Variants in ZNF521 observed in about 807,000 individuals in gnomAD.
ZNF521 encodes LYST-interacting protein 3.
A neutral mutation model predicts 105.5 loss-of-function variants in ZNF521; 14 were observed. That is an observed-to-expected ratio of 0.13 (90% confidence interval 0.09 to 0.21). The LOEUF is 0.21. ZNF521 is among the 10% of genes least tolerant of loss of function. ZNF521 has a pLI of 1.00. For missense variants in ZNF521, 1,233 were observed against 1,629.7 expected, an observed-to-expected ratio of 0.76 and a Z score of 4.19; for synonymous variants, 635 against 606.0, an observed-to-expected ratio of 1.05 and a Z score of -0.70.
chr18:25,080,652 C>T (rs986679846), intron 7 of ZNF521, among the ~76,000 whole-genome samples: 14 of 152,188 alleles, frequency 9.2e-5, no homozygotes, highest in Admixed American at 2.0e-4. Flanking sequence ...ATCAGGAAGA[C>T]GCTGGAATGG....
intron 5 of ZNF521, among the ~76,000 whole-genome samples, chr18:25,176,867 G>A (rs977216026): frequency 9.8e-5 from 15 of 152,294 alleles, no homozygotes; most frequent in African/African-American, 3.4e-4. Flanking sequence ...GCGCGTGCAC[G>A]CACACACTCA....
Position 25,297,144 on chromosome 18 carries a change from T to C in ZNF521, c.220+24864A>G, listed in dbSNP as rs75029075. Among the ~76,000 whole-genome samples the C allele has an allele frequency of 8.3e-3, 1,191 of 143,908 alleles. 9 individuals carry two copies. The highest frequency in any genetic ancestry group is 0.013 in the African/African-American group (518 of 39,068). 94.4% of individuals were successfully genotyped at this position (143,908 alleles called of 152,430 possible). ...CTTTATACACACACACACACACACATATATATATATACTGAATTAAAATGG... is the reference window on the plus strand; with the variant it reads ...CTTTATACACACACACACACACACACATATATATATACTGAATTAAAATGG... On this transcript the variant is annotated intron_variant, in intron 3 of 7. Coordinates refer to ENST00000361524, the MANE Select transcript of ZNF521 (RefSeq NM_015461.3).
At chr18:25,099,646 A>G (rs948906360) in intron 5 of ZNF521, among the ~76,000 whole-genome samples, 1 of 152,174 alleles carries the variant, frequency 6.6e-6, no homozygotes, top group African/African-American at 2.4e-5. Flanking sequence ...ATTTTTATTA[A>G]TTGTCTGTAT....
intron 3 of ZNF521, among the ~76,000 whole-genome samples, chr18:25,282,836 A>G (rs1477448838): frequency 6.6e-6 from 1 of 152,222 alleles, no homozygotes; most frequent in Non-Finnish European, 1.5e-5. Flanking sequence ...AGAATAAAGC[A>G]CTTTCCAGAC....
chr18:25,330,504 G>A (rs1327436368), intron 2 of ZNF521, among the ~76,000 whole-genome samples: 1 of 152,136 alleles, frequency 6.6e-6, no homozygotes, highest in East Asian at 1.9e-4. Flanking sequence ...GTTTCCAGGG[G>A]CCCCAAAGAC....
chr18:25,195,499 C>G (rs1217007674), intron 4 of ZNF521, among the ~76,000 whole-genome samples: 2 of 151,436 alleles, frequency 1.3e-5, no homozygotes, highest in Non-Finnish European at 3.0e-5. Context: ...TTTTAAAGAT[C>G]CCTAAACTCA....
intron 3 of ZNF521, among the ~76,000 whole-genome samples, chr18:25,232,248 C>T (rs1452216380): frequency 6.6e-6 from 1 of 152,208 alleles, no homozygotes; most frequent in Non-Finnish European, 1.5e-5. Context: ...TCTGCCCCTA[C>T]CTAGGTATTT....
intron 5 of ZNF521, among the ~76,000 whole-genome samples, chr18:25,151,842 G>T (rs1340184949): frequency 6.6e-6 from 1 of 152,232 alleles, no homozygotes; most frequent in East Asian, 1.9e-4. Context: ...CAGAGTTAAA[G>T]AGGATTTCAC....
In ZNF521 at chr18:25,271,811, T is replaced by C. The variant is rs893766083; in HGVS notation, c.221-44114A>G. On this transcript the variant is annotated intron_variant, in intron 3 of 7. Coordinates refer to ENST00000361524, the MANE Select transcript of ZNF521 (RefSeq NM_015461.3). ...ATAAGACCTAAAACCATAAAAACCA[T>C]AGAAGAAAACCTAGGCAATACCATT... Among the ~76,000 whole-genome samples the C allele has an allele frequency of 1.2e-4, 18 of 152,158 alleles. No homozygotes were observed. In the South Asian group the frequency reaches 1.5e-3, roughly 12 times the overall value.
rs1284196672 is a variant in ZNF521 at position 25,225,526 on chromosome 18, G to A, written c.2392C>T (p.Leu798=). 6.2e-7 allele frequency: 1 copy of A among 1,614,208 alleles called. No individual in the cohort carries two copies. Among genetic ancestry groups the A allele is most frequent in the East Asian group, 2.2e-5 (1 of 44,886 alleles). Reference sequence around the variant, plus strand: ...CTGTGAGTGGTGATGTGGCATTGCAGCTCCACCTCGGTGCCAAAGGACTCA... The same window carrying A: ...CTGTGAGTGGTGATGTGGCATTGCAACTCCACCTCGGTGCCAAAGGACTCA... ...CGESFGTEVE[L]QCHITTHSKK... Residue 798 remains leucine, a synonymous_variant, in exon 4 of 8, where the codon CTG becomes TTG. Coordinates refer to ENST00000361524, the MANE Select transcript of ZNF521 (RefSeq NM_015461.3). This position sits in a 1 kb window ranked among gnomAD's most constrained non-coding sequence, Gnocchi z 5.6.
chr18:25,276,295 C>T (rs573679595), intron 3 of ZNF521, among the ~76,000 whole-genome samples: 41 of 152,026 alleles, frequency 2.7e-4, no homozygotes, highest in African/African-American at 9.9e-4. Flanking sequence ...TAATTTAAGG[C>T]ATATCAAAAC....
chr18:25,134,560 A>C (rs1217847112), intron 5 of ZNF521, among the ~76,000 whole-genome samples: 1 of 152,126 alleles, frequency 6.6e-6, no homozygotes, highest in Non-Finnish European at 1.5e-5. Flanking sequence ...TAGCCCAGCA[A>C]GACTGGGGAT....
intron 1 of ZNF521, 36 bp downstream of exon 1, chr18:25,351,966 GAGA>G (rs1255700381): frequency 2.5e-5 from 9 of 365,854 alleles, no homozygotes; most frequent in Admixed American, 5.5e-5. Context: ...GCAGGAGGAG[GAGA>G]AGGAGTGTGC....
intron 5 of ZNF521, among the ~76,000 whole-genome samples, chr18:25,187,355 TTC>T (rs963186875): frequency 6.6e-6 from 1 of 152,126 alleles, no homozygotes; most frequent in Non-Finnish European, 1.5e-5. Flanking sequence ...ACGATACAAT[TTC>T]TCTATTTCTC....
intron 2 of ZNF521, among the ~76,000 whole-genome samples, chr18:25,345,051 C>T (rs1305498226): frequency 1.3e-5 from 2 of 152,214 alleles, no homozygotes; most frequent in African/African-American, 2.4e-5. Context: ...AGCAAGTATA[C>T]TTAATAATAT....
intron 5 of ZNF521, among the ~76,000 whole-genome samples, chr18:25,169,813 A>C: frequency 6.6e-6 from 1 of 152,172 alleles, no homozygotes; most frequent in East Asian, 1.9e-4. Flanking sequence ...AGAGTAAGAG[A>C]TCCAAAGGTT....
In ZNF521 at chr18:25,249,448, C is replaced by T. The variant is rs529557761; in HGVS notation, c.221-21751G>A. On this transcript the variant is annotated intron_variant, in intron 3 of 7. Transcript: ENST00000361524. Reference sequence around the variant, plus strand: ...CTGGGATTACAGGCTTGAGCCACCACGCCGGGCCTTTACTTTCTTTCTTTT... The same window carrying T: ...CTGGGATTACAGGCTTGAGCCACCATGCCGGGCCTTTACTTTCTTTCTTTT... Among the ~76,000 whole-genome samples the T allele has an allele frequency of 4.2e-4, 63 of 151,430 alleles. 1 individual carries two copies. The South Asian group carries it at 0.013, about 30-fold the overall frequency.
At chr18:25,187,105 T>C (rs757659155) in intron 5 of ZNF521, among the ~76,000 whole-genome samples, 7 of 152,078 alleles carry the variant, frequency 4.6e-5, no homozygotes, top group Non-Finnish European at 8.8e-5. Context: ...CTCTTTAAGT[T>C]AGATAAACCG....
At chr18:25,142,050 T>C (rs113623853) in intron 5 of ZNF521, among the ~76,000 whole-genome samples, 768 of 152,290 alleles carry the variant, frequency 5.0e-3, no homozygotes, top group Non-Finnish European at 8.4e-3. Context: ...AGACACTAAA[T>C]GTTTTTCCTA....
Sources: gnomAD v4.1 joint callset for allele counts (sites outside exome capture counted in the v4.1 genomes callset) on GRCh38, gnomAD v4.1.1 for gene constraint, Gnocchi (gnomAD v3.1) non-coding constraint, MANE v1.5 for transcripts, NCBI Gene and HGNC (gene_info 2026-07-23, HGNC 2026-07-21) for gene names.